CNTNAP2: variants seen among roughly 807,000 people sequenced by gnomAD.
CNTNAP2 encodes contactin associated protein 2, also known as contactin-associated protein-like 2.
Under a neutral mutation model 155.2 loss-of-function variants are expected in CNTNAP2, and 98 were observed. The ratio of observed to expected loss-of-function variants is 0.63; its 90% CI spans 0.54 to 0.75. CNTNAP2 has a LOEUF of 0.75. Among genes scored for constraint, CNTNAP2 ranks in the 30% least tolerant of loss-of-function variants. CNTNAP2 has a pLI of 0.00. For missense variants in CNTNAP2, 1,727 were observed against 1,688.1 expected (o/e 1.02, Z -0.40); for synonymous variants, 651 against 631.2 (o/e 1.03, Z -0.47).
intron 10 of CNTNAP2, among the ~76,000 whole-genome samples, chr7:147,414,993 T>G (rs114938086): frequency 6.9e-6 from 1 of 144,280 alleles, no homozygotes; most frequent in Non-Finnish European, 1.5e-5. Context: ...GGATTCTCTA[T>G]CTGAGAACTG....
At chr7:147,781,896 G>A (rs535011446) in intron 13 of CNTNAP2, among the ~76,000 whole-genome samples, 32 of 152,050 alleles carry the variant, frequency 2.1e-4, no homozygotes, top group Non-Finnish European at 3.8e-4. Context: ...GGCGGCGGGC[G>A]CCTGTAGTCC....
chr7:147,433,901 A>G (rs1311131635), intron 10 of CNTNAP2, among the ~76,000 whole-genome samples: 2 of 152,256 alleles, frequency 1.3e-5, no homozygotes, highest in Admixed American at 6.5e-5. Context: ...TCTTAGAACA[A>G]TGAAATTAGT....
intron 3 of CNTNAP2, among the ~76,000 whole-genome samples, chr7:147,029,199 A>G (rs1009358083): frequency 2.0e-5 from 3 of 151,934 alleles, no homozygotes; most frequent in Non-Finnish European, 4.4e-5. Flanking sequence ...TCCTGACCTC[A>G]TGATCCACCC....
chr7:147,065,226 A>G (rs551798465), intron 4 of CNTNAP2, among the ~76,000 whole-genome samples: 259 of 152,234 alleles, frequency 1.7e-3, no homozygotes, highest in African/African-American at 5.9e-3. Context: ...GTTATTTAAT[A>G]TTGTTAATTA....
chr7:146,398,295 G>T (rs1795663364), intron 1 of CNTNAP2, among the ~76,000 whole-genome samples: 1 of 150,524 alleles, frequency 6.6e-6, no homozygotes, highest in Non-Finnish European at 1.5e-5. Flanking sequence ...GGCTAGGAAG[G>T]AATCAGGGAA....
At chr7:147,827,982 A>G (rs1798487614) in intron 13 of CNTNAP2, among the ~76,000 whole-genome samples, 1 of 152,190 alleles carries the variant, frequency 6.6e-6, no homozygotes, top group African/African-American at 2.4e-5. Context: ...GATGCTAGCT[A>G]CACTGCTTTC....
chr7:147,550,511 C>T (rs1387729650), intron 11 of CNTNAP2, among the ~76,000 whole-genome samples: 1 of 152,190 alleles, frequency 6.6e-6, no homozygotes, highest in Non-Finnish European at 1.5e-5. Context: ...GTCCATTAAA[C>T]TATTTCCTTT....
intron 1 of CNTNAP2, among the ~76,000 whole-genome samples, chr7:146,567,870 G>A (rs1435661921): frequency 2.6e-5 from 4 of 152,090 alleles, no homozygotes; most frequent in African/African-American, 9.7e-5. Context: ...ACAGGCGCCC[G>A]CCACCACGCC....
intron 8 of CNTNAP2, among the ~76,000 whole-genome samples, chr7:147,261,950 G>T (rs1437475367): frequency 6.6e-6 from 1 of 152,154 alleles, no homozygotes; most frequent in Non-Finnish European, 1.5e-5. Context: ...ACATAAGTCA[G>T]GATTATAACA....
chr7:148,029,026 A>T (rs1281006396), intron 15 of CNTNAP2, among the ~76,000 whole-genome samples: 1 of 152,218 alleles, frequency 6.6e-6, no homozygotes, highest in Non-Finnish European at 1.5e-5. Context: ...ATTTTTCATT[A>T]TTAAAATTTC....
chr7:146,882,623 CAATT>C (rs1209584904), intron 3 of CNTNAP2, among the ~76,000 whole-genome samples: 1 of 152,084 alleles, frequency 6.6e-6, no homozygotes, highest in African/African-American at 2.4e-5. Context: ...AACTGTAAGT[CAATT>C]AAACCTCTTT....
chr7:147,448,308 A>G (rs1797776061), intron 10 of CNTNAP2, among the ~76,000 whole-genome samples: 1 of 152,112 alleles, frequency 6.6e-6, no homozygotes. Context: ...TTTCCAAATT[A>G]AATTTTTAAA....
chr7:146,573,087 C>T (rs936488105), intron 1 of CNTNAP2, among the ~76,000 whole-genome samples: 4 of 152,100 alleles, frequency 2.6e-5, no homozygotes, highest in African/African-American at 7.2e-5. Flanking sequence ...TTCTCCATTT[C>T]GTACAGTGCT....
At chr7:147,153,335 T>C (rs760196896) in intron 8 of CNTNAP2, among the ~76,000 whole-genome samples, 2 of 151,984 alleles carry the variant, frequency 1.3e-5, no homozygotes, top group Non-Finnish European at 2.9e-5. Flanking sequence ...ATAAAGTATA[T>C]AGAAATGATA....
chr7:146,934,579 C>A (rs904253135), intron 3 of CNTNAP2, among the ~76,000 whole-genome samples: 43 of 151,876 alleles, frequency 2.8e-4, no homozygotes, highest in Non-Finnish European at 6.0e-4. Flanking sequence ...GCACATGTAC[C>A]ATAAAACTTT....
At chr7:146,754,892 G>C (rs976551255) in intron 1 of CNTNAP2, among the ~76,000 whole-genome samples, 1 of 151,844 alleles carries the variant, frequency 6.6e-6, no homozygotes, top group Non-Finnish European at 1.5e-5. Context: ...TCATCTCAAA[G>C]TAAAGGATTA....
At chr7:147,479,263 A>T (rs1289155969) in intron 10 of CNTNAP2, among the ~76,000 whole-genome samples, 1 of 152,204 alleles carries the variant, frequency 6.6e-6, no homozygotes, top group African/African-American at 2.4e-5. Flanking sequence ...ATGGCCTATG[A>T]TCTTCATTCT....
chr7:147,737,206 T>G (rs2204415), intron 13 of CNTNAP2, among the ~76,000 whole-genome samples: 53,929 of 151,964 alleles, frequency 0.35, 10,407 homozygotes, highest in African/African-American at 0.5. Context: ...GTTTTGGTGT[T>G]GATGTCCTTT....
intron 19 of CNTNAP2, among the ~76,000 whole-genome samples, chr7:148,219,012 G>A (rs910748462): frequency 1.2e-4 from 16 of 133,358 alleles, no homozygotes; most frequent in African/African-American, 2.1e-4. Flanking sequence ...GCGCAATCTC[G>A]GCTCACTGCA....
Sources: gnomAD v4.1 joint callset for allele counts (sites outside exome capture counted in the v4.1 genomes callset) on GRCh38, gnomAD v4.1.1 for gene constraint, MANE v1.5 for transcripts, NCBI Gene and HGNC (gene_info 2026-07-23, HGNC 2026-07-21) for gene names.